FKBP15: variants seen among roughly 807,000 people sequenced by gnomAD.
FKBP15 encodes the protein FKBP prolyl isomerase family member 15.
Under a neutral mutation model 158.1 loss-of-function variants are expected in FKBP15, and 106 were observed. That is an observed-to-expected ratio of 0.67 (90% CI 0.57 to 0.79). The LOEUF is 0.79. Among genes scored for constraint, FKBP15 ranks in the 30% least tolerant of loss-of-function variants. The pLI, the probability that FKBP15 is intolerant of heterozygous loss-of-function variation, is 0.00. For missense variants in FKBP15, 1,287 were observed against 1,479.1 expected, an observed-to-expected ratio of 0.87 and a Z score of 2.13; for synonymous variants, 547 against 548.6, an observed-to-expected ratio of 1.00 and a Z score of 0.04.
chr9:113,185,444 C>A (rs1369160286), intron 15 of FKBP15, among the ~76,000 whole-genome samples: 1 of 152,158 alleles, frequency 6.6e-6, no homozygotes, highest in Non-Finnish European at 1.5e-5. Context: ...AAGGGCAGAG[C>A]TTCCAGATAA....
intron 21 of FKBP15, 23 bp downstream of exon 21, chr9:113,176,514 G>T: frequency 6.5e-7 from 1 of 1,547,934 alleles, no homozygotes; most frequent in East Asian, 2.4e-5. Flanking sequence ...GCTAATTCTG[G>T]CCAACTGGGT....
chr9:113,215,574 A>C (rs1831104113), intron 1 of FKBP15, among the ~76,000 whole-genome samples: 1 of 150,000 alleles, frequency 6.7e-6, no homozygotes, highest in African/African-American at 2.5e-5. Flanking sequence ...ATATATAAAC[A>C]TATATACATA....
chr9:113,175,852 A>G (rs188164403), intron 21 of FKBP15, among the ~76,000 whole-genome samples: 50 of 152,350 alleles, frequency 3.3e-4, no homozygotes, highest in Middle Eastern at 3.4e-3. Flanking sequence ...TGAAGATTAG[A>G]AAAAGTGATA....
rs768441449 is a variant in FKBP15, at chr9:113,169,627, C to G, written c.3082G>C (p.Glu1028Gln). 6.2e-7 allele frequency: 1 copy of G among 1,613,948 alleles called. No homozygotes were observed. Among genetic ancestry groups the G allele is most frequent in the South Asian group, 1.1e-5 (1 of 91,092 alleles). ...SEIKDGSLPP[E>Q]LSCIPSHRVL... ...CTGTGGGATGGGATGCAAGACAGTT[C>G]GGGTGGAAGGGAACCATCTTTTATC... Residue 1028 changes from glutamate to glutamine, a missense_variant, in exon 26 of 28, where the codon GAA (glutamate) becomes CAA (glutamine). Glu to Gln is a conservative substitution (Grantham distance 29). Coordinates refer to ENST00000238256, the MANE Select transcript of FKBP15 (RefSeq NM_015258.2).
rs35201179 is a variant in FKBP15, at chr9:113,210,332, C to CTTT, written c.169+1142_169+1144dup. On this transcript the variant is annotated intron_variant, in intron 2 of 27. Transcript: ENST00000238256. ...ACAATCCTAGTGCCAGTTGTGATGG[C>CTTT]TTTTTTTTTTTTTTTTTTTGAGACG... is the stretch of plus-strand genomic sequence containing the variant. Among the ~76,000 whole-genome samples, 281 of 114,714 alleles carry CTTT rather than the reference C, an allele frequency of 2.4e-3. 15 individuals are homozygous for CTTT. The highest frequency in any genetic ancestry group is 5.7e-3 in the Middle Eastern group (1 of 176). 75.3% of individuals were successfully genotyped at this position (114,714 alleles called of 152,430 possible).
chr9:113,199,471 G>A (rs55954029), intron 7 of FKBP15, among the ~76,000 whole-genome samples: 20,880 of 152,134 alleles, frequency 0.14, 1,869 homozygotes, highest in Non-Finnish European at 0.19. Flanking sequence ...AAACTATAAG[G>A]AGGGTCTAAA....
At chr9:113,170,490 C>A (rs377177254) in intron 25 of FKBP15, 32 bp downstream of exon 25, 2 of 1,480,144 alleles carry the variant, frequency 1.4e-6, no homozygotes, top group Non-Finnish European at 1.9e-6. Flanking sequence ...ATGCCCAATA[C>A]GATGAAACAA....
chr9:113,200,362 C>T (rs1246914825), intron 6 of FKBP15, among the ~76,000 whole-genome samples: 2 of 152,122 alleles, frequency 1.3e-5, no homozygotes, highest in African/African-American at 2.4e-5. Context: ...GATGATGATA[C>T]TGATTTACTG....
At chr9:113,173,420 G>A in intron 23 of FKBP15, 33 bp downstream of exon 23, 1 of 1,603,154 alleles carries the variant, frequency 6.2e-7, no homozygotes, top group Non-Finnish European at 8.5e-7. Flanking sequence ...TAACTGGGCT[G>A]CCTAAACTGT....
chr9:113,162,483 A>G lies in FKBP15; in HGVS notation c.*3595T>C. On this transcript the variant is annotated 3_prime_UTR_variant, in exon 28 of 28. Transcript: ENST00000238256. ...ATTCCTTATCAGAAAGACAGATTAT[A>G]GATACCCTCATTTTCCCCTTTGCCT... 2.9e-6 allele frequency: 1 copy of G among 343,648 alleles called. No individual in the cohort carries two copies. Among genetic ancestry groups the G allele is most frequent in the Non-Finnish European group, 5.3e-6 (1 of 188,394 alleles). The allele number at this position is 343,648 out of a possible 1,614,324, so 21.3% of individuals were successfully genotyped here.
rs1214290985 is a variant in FKBP15, at chr9:113,169,758, G to A, written c.2951C>T (p.Ser984Leu). Residue 984 changes from serine (S) to leucine (L), a missense_variant, in exon 26 of 28, where the codon TCA (serine) becomes TTA (leucine). Physicochemically the swap from Ser to Leu is moderately radical, Grantham distance 145. Transcript: ENST00000238256. ...GACAGCTTCCTCGACCACCTGCTCT[G>A]AGGGCACCATGGGGGACTCTGGCCT... ...RERPESPMVP[S>L]EQVVEEAVPL... 11 of 1,609,582 alleles carry A rather than the reference G, an allele frequency of 6.8e-6. No homozygotes were observed. In the Admixed American group the frequency reaches 1.3e-4, roughly 20 times the overall value.
In FKBP15 at chr9:113,193,481, C is replaced by T. The variant is rs1223658553; in HGVS notation, c.1065+11G>A. 9 of 1,584,192 alleles carry T rather than the reference C, an allele frequency of 5.7e-6. No individual in the cohort carries two copies. The highest frequency in any genetic ancestry group is 7.7e-6 in the Non-Finnish European group (9 of 1,163,944). ...TGAACCACCATGCCTGGCCAAGACT[C>T]TTATACTTACTGTATTTATTGCAAG... On this transcript the variant is annotated intron_variant, in intron 11 of 27. Transcript: ENST00000238256.
chr9:113,188,838 AT>A (rs1361351462), intron 12 of FKBP15, among the ~76,000 whole-genome samples: 2 of 152,186 alleles, frequency 1.3e-5, no homozygotes, highest in African/African-American at 4.8e-5. Context: ...GACAAATCTA[AT>A]CTATTCCCAC....
intron 20 of FKBP15, among the ~76,000 whole-genome samples, chr9:113,177,769 T>G (rs981127868): frequency 6.6e-6 from 1 of 152,224 alleles, no homozygotes; most frequent in Non-Finnish European, 1.5e-5. Flanking sequence ...AGCTACCCCC[T>G]GCCCACTAGT....
chr9:113,189,392 G>T (rs1830537041), intron 12 of FKBP15, among the ~76,000 whole-genome samples: 1 of 152,024 alleles, frequency 6.6e-6, no homozygotes, highest in Non-Finnish European at 1.5e-5. Context: ...ACAACATTAG[G>T]TTTAAAAATC....
At chr9:113,193,366 G>C (rs1830610637) in intron 11 of FKBP15, 126 bp downstream of exon 11, 1 of 573,830 alleles carries the variant, frequency 1.7e-6, no homozygotes, top group African/African-American at 1.9e-5. Flanking sequence ...GGAGAGACGA[G>C]GTCTCACTAT....
At chr9:113,187,731 A>C (rs747668163) in intron 14 of FKBP15, 62 bp downstream of exon 14, 2 of 1,323,246 alleles carry the variant, frequency 1.5e-6, no homozygotes, top group Admixed American at 1.9e-5. Context: ...GGAAGAAGAA[A>C]AGAGACTGAC....
In FKBP15 at chr9:113,184,517, TGTTAA is replaced by T. The variant is rs1318408194; in HGVS notation, c.1609-123_1609-119del. The T allele has an allele frequency of 4.2e-6, 4 of 955,070 alleles. No individual in the cohort carries two copies. In the African/African-American group the frequency reaches 5.0e-5, roughly 12 times the overall value. 59.2% of individuals were successfully genotyped at this position (955,070 alleles called of 1,614,324 possible). A position where few individuals can be genotyped will look rare whatever the true frequency, so the allele number is the denominator to read the frequency against. On this transcript the variant is annotated intron_variant, in intron 16 of 27. Coordinates refer to ENST00000238256, the MANE Select transcript of FKBP15 (RefSeq NM_015258.2). This position sits in a 1 kb window ranked among gnomAD's most constrained non-coding sequence, Gnocchi z 4.5. ...ATGAGTTCCTGGGACAATCTCTAAC[TGTTAA>T]GTTAGAGTTTTCTCCTACTAACTGG...
chr9:113,217,201 GTTT>G (rs979783485), intron 1 of FKBP15, among the ~76,000 whole-genome samples: 3 of 89,418 alleles, frequency 3.4e-5, no homozygotes, highest in African/African-American at 5.0e-5. Context: ...ACCACGCCCA[GTTT>G]TTTTTTTTTT....
Sources: allele counts gnomAD v4.1 joint callset (sites outside exome capture counted in the v4.1 genomes callset), GRCh38; gene constraint gnomAD v4.1.1; non-coding constraint Gnocchi (gnomAD v3.1); transcripts MANE v1.5; gene names NCBI Gene and HGNC (gene_info 2026-07-23, HGNC 2026-07-21).